DPP10: variants seen among roughly 807,000 people sequenced by gnomAD.
DPP10 encodes inactive dipeptidyl peptidase 10.
In DPP10, 33 loss-of-function variants were observed where a neutral mutation model predicts 120.9. The observed-to-expected ratio is 0.27, with a 90% CI of 0.21 to 0.37. DPP10 has a LOEUF of 0.37. Among genes scored for constraint, DPP10 ranks in the 10% least tolerant of loss-of-function variants. The pLI is 1.00. For synonymous variants in DPP10, 337 were observed against 326.1 expected (o/e 1.03, Z -0.36); for missense variants, 816 against 942.8 (o/e 0.87, Z 1.76).
chr2:114,666,231 G>T (rs1697912006), intron 1 of DPP10, among the ~76,000 whole-genome samples: 1 of 152,168 alleles, frequency 6.6e-6, no homozygotes, highest in South Asian at 2.1e-4. Context: ...GTAGATGAAT[G>T]AATATGTGGA....
At chr2:115,566,057 A>T (rs771492008) in intron 5 of DPP10, among the ~76,000 whole-genome samples, 12 of 151,908 alleles carry the variant, frequency 7.9e-5, no homozygotes, top group Non-Finnish European at 1.2e-4. Flanking sequence ...AAAGTGCTGT[A>T]GTTACAAACA....
chr2:115,431,364 G>T (rs1268403757), intron 3 of DPP10, among the ~76,000 whole-genome samples: 2 of 152,134 alleles, frequency 1.3e-5, no homozygotes, highest in Non-Finnish European at 2.9e-5. Context: ...AAATGTTGGT[G>T]CCCATGGGGT....
chr2:115,475,387 C>T (rs765801688), intron 3 of DPP10, among the ~76,000 whole-genome samples: 1 of 152,186 alleles, frequency 6.6e-6, no homozygotes, highest in Non-Finnish European at 1.5e-5. Flanking sequence ...GCACAGAATG[C>T]CAAAGCTGAG....
At chr2:115,076,606 A>G (rs1256406209) in intron 1 of DPP10, among the ~76,000 whole-genome samples, 1 of 152,232 alleles carries the variant, frequency 6.6e-6, no homozygotes, top group Non-Finnish European at 1.5e-5. Context: ...ACATTACACT[A>G]CATGTAACAT....
chr2:115,100,995 T>C (rs181020010), intron 1 of DPP10, among the ~76,000 whole-genome samples: 1 of 152,200 alleles, frequency 6.6e-6, no homozygotes, highest in East Asian at 1.9e-4. Context: ...TTTTTTAGGG[T>C]CACTTTTAGT....
Position 115,309,155 on chromosome 2 carries a change from G to T in DPP10, c.61-84G>T, listed in dbSNP as rs1037675340. On this transcript the variant is annotated intron_variant, in intron 1 of 25. Coordinates refer to ENST00000410059, the MANE Select transcript of DPP10 (RefSeq NM_020868.6). Reference sequence around the variant, plus strand: ...TCTAATCAGCTTTCAAACTGTGATTGTGCCATGCACTGAATCATTCCTTTA... The same window carrying T: ...TCTAATCAGCTTTCAAACTGTGATTTTGCCATGCACTGAATCATTCCTTTA... 4.0e-6 allele frequency: 4 copies of T among 1,003,226 alleles called. No homozygotes were observed. In the South Asian group the frequency reaches 4.5e-5, roughly 11 times the overall value. The allele number at this position is 1,003,226 out of a possible 1,614,324, so 62.1% of individuals were successfully genotyped here. A position where few individuals can be genotyped will look rare whatever the true frequency, so the allele number is the denominator to read the frequency against.
At chr2:114,504,664 C>T (rs1683481525) in intron 1 of DPP10, among the ~76,000 whole-genome samples, 1 of 152,154 alleles carries the variant, frequency 6.6e-6, no homozygotes, top group Non-Finnish European at 1.5e-5. Flanking sequence ...ATTCTCAACA[C>T]ATGTCATGTA....
intron 5 of DPP10, among the ~76,000 whole-genome samples, chr2:115,550,479 C>T (rs2079806725): frequency 6.6e-6 from 1 of 152,108 alleles, no homozygotes; most frequent in Non-Finnish European, 1.5e-5. Context: ...ATGCATAGCA[C>T]ATTATTTAAA....
intron 3 of DPP10, among the ~76,000 whole-genome samples, chr2:115,356,652 C>T (rs2064412802): frequency 1.3e-5 from 2 of 152,092 alleles, no homozygotes; most frequent in Non-Finnish European, 2.9e-5. Flanking sequence ...GGGAATGCTT[C>T]CAGATTTTGC....
intron 1 of DPP10, among the ~76,000 whole-genome samples, chr2:114,517,121 A>G (rs534170093): frequency 2.2e-4 from 34 of 152,124 alleles, no homozygotes; most frequent in Non-Finnish European, 4.6e-4. Flanking sequence ...TCCATTGCAG[A>G]TTGATATCAC....
At chr2:114,724,238 G>A (rs949143005) in intron 1 of DPP10, among the ~76,000 whole-genome samples, 1 of 152,040 alleles carries the variant, frequency 6.6e-6, no homozygotes, top group Non-Finnish European at 1.5e-5. Flanking sequence ...TGCTCCATAG[G>A]CTCTAGATTA....
intron 1 of DPP10, 95 bp downstream of exon 1, chr2:114,442,933 A>T (rs1677739018): frequency 6.9e-7 from 1 of 1,458,452 alleles, no homozygotes; most frequent in South Asian, 1.2e-5. Context: ...GACAGTGGAC[A>T]TACCTACTTG....
chr2:115,274,026 A>G (rs1020347347), intron 1 of DPP10, among the ~76,000 whole-genome samples: 1 of 152,086 alleles, frequency 6.6e-6, no homozygotes, highest in Non-Finnish European at 1.5e-5. Flanking sequence ...ATATATGTCC[A>G]TTGATTGGAA....
At chr2:114,976,060 A>C (rs899379135) in intron 1 of DPP10, among the ~76,000 whole-genome samples, 1 of 152,250 alleles carries the variant, frequency 6.6e-6, no homozygotes, top group Non-Finnish European at 1.5e-5. Flanking sequence ...AAATAATTTG[A>C]AGTAGAATTC....
intron 5 of DPP10, among the ~76,000 whole-genome samples, chr2:115,571,369 A>T (rs566573897): frequency 6.6e-6 from 1 of 152,156 alleles, no homozygotes; most frequent in South Asian, 2.1e-4. Flanking sequence ...TAGTTTTTCA[A>T]ACCTTACCTC....
intron 21 of DPP10, among the ~76,000 whole-genome samples, chr2:115,826,072 A>G (rs1157225546): frequency 6.6e-6 from 1 of 152,228 alleles, no homozygotes; most frequent in East Asian, 1.9e-4. Context: ...CAGAGGAAAC[A>G]TCATTATCAT....
intron 5 of DPP10, among the ~76,000 whole-genome samples, chr2:115,593,770 G>C (rs879702174): frequency 6.6e-6 from 1 of 152,066 alleles, no homozygotes; most frequent in Non-Finnish European, 1.5e-5. Context: ...ATCATAGCAG[G>C]ACCAATTTAT....
At chr2:115,553,128 T>G (rs569934282) in intron 5 of DPP10, among the ~76,000 whole-genome samples, 45 of 152,268 alleles carry the variant, frequency 3.0e-4, no homozygotes, top group African/African-American at 9.6e-4. Flanking sequence ...ACCATTTCAA[T>G]GTACACTCTT....
chr2:115,279,655 CTT>C (rs70941039), intron 1 of DPP10, among the ~76,000 whole-genome samples: 1,003 of 42,494 alleles, frequency 0.024, 1 homozygote, highest in East Asian at 0.11. Flanking sequence ...TTTTCTTCTT[CTT>C]TTTTTTTTTT....
Sources: gnomAD v4.1 joint callset for allele counts (sites outside exome capture counted in the v4.1 genomes callset) on GRCh38, gnomAD v4.1.1 for gene constraint, MANE v1.5 for transcripts, NCBI Gene and HGNC (gene_info 2026-07-23, HGNC 2026-07-21) for gene names.